DDX18: variants seen among roughly 807,000 people sequenced by gnomAD.
The protein encoded by DDX18 is DEAD-box helicase 18.
In DDX18, 23 loss-of-function variants were observed where a neutral mutation model predicts 73.5. The ratio of observed to expected loss-of-function variants is 0.31; its 90% CI spans 0.23 to 0.44. The LOEUF is 0.44. Ranked by LOEUF, DDX18 falls within the 20% of genes least tolerant of loss-of-function variation. The pLI, the probability that DDX18 is intolerant of heterozygous loss-of-function variation, is 1.00. For synonymous variants in DDX18, 268 were observed against 282.7 expected, an observed-to-expected ratio of 0.95 and a Z score of 0.52; for missense variants, 753 against 792.9, an observed-to-expected ratio of 0.95 and a Z score of 0.60.
chr2:117,825,389 TCTA>T, intron 9 of DDX18, 55 bp from the exon 10 acceptor site: 3 of 1,575,634 alleles, frequency 1.9e-6, no homozygotes, highest in African/African-American at 1.3e-5. Context: ...ATTTGGGGGT[TCTA>T]CTGCTAGTCT....
chr2:117,828,932 A>C lies in DDX18; in HGVS notation c.1636-17A>C. ...TGATCATCCTGGTTTACTAATCTTAATACTTTTGATTTCTAGGTTCCATTA... is the reference window on the plus strand; with the variant it reads ...TGATCATCCTGGTTTACTAATCTTACTACTTTTGATTTCTAGGTTCCATTA... On this transcript the variant is annotated splice_polypyrimidine_tract_variant and intron_variant, in intron 11 of 13. Coordinates refer to ENST00000263239, the MANE Select transcript of DDX18 (RefSeq NM_006773.4). 1 of 1,566,328 alleles carries C rather than the reference A, an allele frequency of 6.4e-7. No individual in the cohort carries two copies. Among genetic ancestry groups the C allele is most frequent in the Non-Finnish European group, 8.8e-7 (1 of 1,137,676 alleles).
intron 11 of DDX18, 189 bp from the exon 12 acceptor site, chr2:117,828,760 G>A: frequency 1.7e-6 from 1 of 571,948 alleles, no homozygotes; most frequent in South Asian, 2.2e-5. Flanking sequence ...AAAGAAAGAA[G>A]TGCAGATTGC....
At chr2:117,818,697 T>C (rs536820215) in intron 2 of DDX18, among the ~76,000 whole-genome samples, 1 of 152,256 alleles carries the variant, frequency 6.6e-6, no homozygotes, top group Admixed American at 6.5e-5. Context: ...TGTTTGTTTG[T>C]TTTATTATGA....
intron 6 of DDX18, 40 bp from the exon 7 acceptor site, chr2:117,822,107 C>G (rs1679855280): frequency 2.5e-6 from 4 of 1,613,486 alleles, no homozygotes; most frequent in Non-Finnish European, 3.4e-6. Context: ...GAAACATAAA[C>G]TGACAACTAA....
At chr2:117,820,927 AC>A (rs1342515755) in intron 3 of DDX18, among the ~76,000 whole-genome samples, 1 of 151,638 alleles carries the variant, frequency 6.6e-6, no homozygotes, top group South Asian at 2.1e-4. Context: ...CCTCCTCTCT[AC>A]CCCTTGTTTT....
rs1028931080 is a variant in DDX18, at chr2:117,830,580, A to G, written c.1871-2A>G. 1 of 1,611,854 alleles carries G rather than the reference A, an allele frequency of 6.2e-7. No individual in the cohort carries two copies. Among genetic ancestry groups the G allele is most frequent in the African/African-American group, 1.3e-5 (1 of 74,724 alleles). ...CTTGATTTCCTTAATGTTTGCCTCC[A>G]GACGTCAACAGTAATGAAGGCAAGC... On this transcript the variant is annotated splice_acceptor_variant, in intron 13 of 13. Transcript: ENST00000263239. LOFTEE classifies it high-confidence loss of function.
chr2:117,828,414 G>C (rs1308805756), intron 11 of DDX18: 1 of 152,156 alleles, frequency 6.6e-6, no homozygotes, highest in African/African-American at 2.4e-5. Context: ...CCTCAAGACG[G>C]CAAGCTCTCT....
intron 11 of DDX18, 172 bp from the exon 12 acceptor site, chr2:117,828,777 C>T: frequency 1.7e-6 from 1 of 594,680 alleles, no homozygotes; most frequent in Non-Finnish European, 3.0e-6. Flanking sequence ...TTGCCTAACT[C>T]AGCAGAGCAA....
chr2:117,829,312 T>A lies in DDX18; in HGVS notation c.1716T>A (p.Asn572Lys), dbSNP rs1261988545. 1 of 1,597,848 alleles carries A rather than the reference T, an allele frequency of 6.3e-7. No individual in the cohort carries two copies. The highest frequency in any genetic ancestry group is 1.8e-5 in the Admixed American group (1 of 55,978). The change falls in exon 13 of 14, where the codon AAT becomes AAA. Residue 572 changes from asparagine to lysine, a missense_variant. Coordinates refer to ENST00000263239, the MANE Select transcript of DDX18 (RefSeq NM_006773.4). ...QSQLEKLIEK[N>K]YFLHKSAQEA... is the part of the protein sequence containing the mutation. Reference sequence around the variant, plus strand: ...AGCTTGAGAAATTGATTGAAAAGAATTACTTTCTTCATAAGTCAGCCCAGG... The same window carrying A: ...AGCTTGAGAAATTGATTGAAAAGAAATACTTTCTTCATAAGTCAGCCCAGG...
At chr2:117,819,112 G>C (rs939134015) in intron 2 of DDX18, among the ~76,000 whole-genome samples, 1 of 152,150 alleles carries the variant, frequency 6.6e-6, no homozygotes, top group Non-Finnish European at 1.5e-5. Flanking sequence ...TGAGAGGTAG[G>C]ACTGAAAAGG....
At position 117,831,723 on chromosome 2, in the gene DDX18, A is replaced by G. The variant is rs1406032169; in HGVS notation, c.*999A>G. 6.6e-6 allele frequency: 1 copy of G among 152,158 alleles called. No individual in the cohort carries two copies. Among genetic ancestry groups the G allele is most frequent in the Admixed American group, 6.5e-5 (1 of 15,274 alleles). The allele number at this position is 152,158 out of a possible 1,614,324, so 9.4% of individuals were successfully genotyped here. A position where few individuals can be genotyped will look rare whatever the true frequency, so the allele number is the denominator to read the frequency against. ...TTCCAGGCCCTGAAACAAAAAATACATTTGCTGTGAAGATTGAAAATGAAC... is the reference window on the plus strand; with the variant it reads ...TTCCAGGCCCTGAAACAAAAAATACGTTTGCTGTGAAGATTGAAAATGAAC... On this transcript the variant is annotated 3_prime_UTR_variant, in exon 14 of 14. Coordinates refer to ENST00000263239, the MANE Select transcript of DDX18 (RefSeq NM_006773.4).
At chr2:117,826,444 T>C in intron 11 of DDX18, 62 bp downstream of exon 11, 2 of 1,474,060 alleles carry the variant, frequency 1.4e-6, no homozygotes, top group South Asian at 2.4e-5. Context: ...AAGCAACATT[T>C]CTACATGTGT....
Position 117,826,298 on chromosome 2 carries a change from C to T in DDX18, c.1551C>T (p.Ala517=). 1 of 1,613,956 alleles carries T rather than the reference C, an allele frequency of 6.2e-7. No homozygotes were observed. Among genetic ancestry groups the T allele is most frequent in the African/African-American group, 1.3e-5 (1 of 74,996 alleles). Residue 517 remains alanine (A), a synonymous_variant, in exon 11 of 14, where the codon GCC becomes GCT. Coordinates refer to ENST00000263239, the MANE Select transcript of DDX18 (RefSeq NM_006773.4). ...KEYIHRVGRT[A]RGLNGRGHAL... ...ATATTCATCGTGTGGGTAGAACAGC[C>T]AGAGGCCTAAATGGGAGAGGGCATG... is the stretch of plus-strand genomic sequence containing the variant.
At chr2:117,825,387 G>A in intron 9 of DDX18, 60 bp from the exon 10 acceptor site, 1 of 1,571,538 alleles carries the variant, frequency 6.4e-7, no homozygotes, top group Non-Finnish European at 8.7e-7. Flanking sequence ...CAATTTGGGG[G>A]TTCTACTGCT....
At chr2:117,828,677 A>G (rs1019998642) in intron 11 of DDX18, 1 of 322,304 alleles carries the variant, frequency 3.1e-6, no homozygotes, top group Non-Finnish European at 5.7e-6. Context: ...GGTTGCAAAT[A>G]GTCAGGATTA....
intron 3 of DDX18, among the ~76,000 whole-genome samples, chr2:117,820,792 C>G (rs1436686222): frequency 2.6e-5 from 4 of 152,088 alleles, no homozygotes; most frequent in Non-Finnish European, 5.9e-5. Context: ...ACTTCACACT[C>G]AGTTTTTATT....
chr2:117,825,855 A>G (rs1337080554), intron 10 of DDX18: 4 of 441,314 alleles, frequency 9.1e-6, no homozygotes, highest in Non-Finnish European at 1.6e-5. Flanking sequence ...TAAGAACAGC[A>G]GATGCCTGAA....
At position 117,825,451 on chromosome 2, in the gene DDX18, A is replaced by G. The variant is rs1465316245; in HGVS notation, c.1373A>G (p.Lys458Arg). 1.2e-6 allele frequency: 2 copies of G among 1,611,366 alleles called. No individual in the cohort carries two copies. Among genetic ancestry groups the G allele is most frequent in the East Asian group, 4.5e-5 (2 of 44,820 alleles). Residue 458 changes from lysine to arginine, a missense_variant, in exon 10 of 14, where the codon AAG (lysine) becomes AGG (arginine). Physicochemically the swap from Lys to Arg is conservative, Grantham distance 26. Coordinates refer to ENST00000263239, the MANE Select transcript of DDX18 (RefSeq NM_006773.4). ...GATGTTTTTATTTAATTCTAGGGAA[A>G]GCAAAAGCAAAATAAGCGTACAACC... ...IDLPVLAIHG[K>R]QKQNKRTTTF... is the part of the protein sequence containing the mutation.
At position 117,821,117 on chromosome 2, in the gene DDX18, A is replaced by T. The variant is rs534231490; in HGVS notation, c.515-44A>T. The stretch of plus-strand genomic sequence containing the variant: ...AGGCAACTGTAGCAATACTTTTTTA[A>T]AAAAAAAGATAAATTTGCTAATGAT... On this transcript the variant is annotated intron_variant, in intron 3 of 13. Transcript: ENST00000263239. 5.9e-4 allele frequency: 781 copies of T among 1,323,818 alleles called. 2 individuals carry two copies. The highest frequency in any genetic ancestry group is 4.7e-3 in the African/African-American group (138 of 29,158). 82.0% of individuals were successfully genotyped at this position (1,323,818 alleles called of 1,614,324 possible). A position where few individuals can be genotyped will look rare whatever the true frequency, so the allele number is the denominator to read the frequency against.
Sources: gnomAD v4.1 joint callset for allele counts (sites outside exome capture counted in the v4.1 genomes callset) on GRCh38, gnomAD v4.1.1 for gene constraint, MANE v1.5 for transcripts, NCBI Gene and HGNC (gene_info 2026-07-23, HGNC 2026-07-21) for gene names.